ABR: variants seen among roughly 807,000 people sequenced by gnomAD.
ABR encodes the protein active breakpoint cluster region-related protein.
ABR carries 35 observed loss-of-function variants against 107.2 expected under a neutral mutation model. That is an observed-to-expected ratio of 0.33 (90% CI 0.25 to 0.43). The LOEUF (loss-of-function observed/expected upper bound fraction) is 0.43, where lower values mean the gene tolerates loss of function less well. Ranked by LOEUF, ABR falls within the 20% of genes least tolerant of loss-of-function variation. The probability of loss-of-function intolerance (pLI) is 1.00; values close to 1 mark genes in which losing one functional copy is unlikely to be tolerated. For synonymous variants in ABR, 498 were observed against 462.0 expected (o/e 1.08, Z -1.00); for missense variants, 815 against 1,115.2 (o/e 0.73, Z 3.83).
chr17:1,075,427 A>G (rs2035621533), intron 6 of ABR, among the ~76,000 whole-genome samples: 3 of 152,264 alleles, frequency 2.0e-5, no homozygotes, highest in African/African-American at 7.2e-5. Flanking sequence ...AGTTCTCCAA[A>G]GCCTGAGATA....
At position 1,022,106 on chromosome 17, in the gene ABR, C is replaced by CAAAAAAAAAAAAAAAAA. The variant is rs759234729; in HGVS notation, c.1792-8959_1792-8943dup. Among the ~76,000 whole-genome samples, 125 of 39,182 alleles carry CAAAAAAAAAAAAAAAAA rather than the reference C, an allele frequency of 3.2e-3. 3 individuals carry two copies. Among genetic ancestry groups the CAAAAAAAAAAAAAAAAA allele is most frequent in the South Asian group, 0.014 (16 of 1,146 alleles). 25.7% of individuals were successfully genotyped at this position (39,182 alleles called of 152,430 possible). A position where few individuals can be genotyped will look rare whatever the true frequency, so the allele number is the denominator to read the frequency against. On this transcript the variant is annotated intron_variant, in intron 16 of 22. Coordinates refer to ENST00000302538, the MANE Select transcript of ABR (RefSeq NM_021962.5). ...TGGGCAACAGAGCAAGACTCTGTCT[C>CAAAAAAAAAAAAAAAAA]AAAAAAAAAAAAAAAAAAACAGAAA...
intron 1 of ABR, chr17:1,178,164 T>A (rs1452038149): frequency 6.6e-6 from 1 of 152,166 alleles, no homozygotes; most frequent in East Asian, 1.9e-4. Context: ...AGAGGTTGAA[T>A]GTTGGGTACC....
intron 13 of ABR, 62 bp downstream of exon 13, chr17:1,056,936 A>G: frequency 8.6e-7 from 1 of 1,162,684 alleles, no homozygotes; most frequent in Non-Finnish European, 1.3e-6. Context: ...CCTTACGGGA[A>G]GCCGGCCACG....
rs539786354 is a variant in ABR at position 1,054,815 on chromosome 17, C to T, written c.1561+1220G>A. 3.7e-4 allele frequency among the ~76,000 whole-genome samples: 57 copies of T among 152,188 alleles called. 1 individual carries two copies. In the South Asian group the frequency reaches 0.012, roughly 32 times the overall value. ...TGCCCCCAGGAACTCAGGGAGGCTT[C>T]CTGGGAAAGGCTGCTCTAACGGCCC... On this transcript the variant is annotated intron_variant, in intron 14 of 22. Transcript: ENST00000302538.
chr17:1,035,273 G>C (rs1457342575), intron 16 of ABR, among the ~76,000 whole-genome samples: 1 of 150,986 alleles, frequency 6.6e-6, no homozygotes, highest in East Asian at 2.0e-4. Context: ...TTCAGCTCAG[G>C]CTATCCCAAC....
intron 3 of ABR, among the ~76,000 whole-genome samples, chr17:1,099,840 C>T (rs2037743758): frequency 6.6e-6 from 1 of 152,148 alleles, no homozygotes; most frequent in Non-Finnish European, 1.5e-5. Flanking sequence ...CAAAAGAACA[C>T]AGACAGGCCG....
chr17:1,076,879 C>T (rs1005582184), intron 6 of ABR, among the ~76,000 whole-genome samples: 3 of 152,190 alleles, frequency 2.0e-5, no homozygotes, highest in Non-Finnish European at 4.4e-5. Flanking sequence ...TTCCCCTGTC[C>T]CTGGGCTCCT....
At chr17:1,089,772 C>T (rs1217749606) in intron 4 of ABR, among the ~76,000 whole-genome samples, 2 of 152,160 alleles carry the variant, frequency 1.3e-5, no homozygotes, top group Non-Finnish European at 2.9e-5. Context: ...CCAGCCTGGC[C>T]GACATGGCGA....
At chr17:1,094,846 A>G (rs978929694) in intron 3 of ABR, among the ~76,000 whole-genome samples, 6 of 145,712 alleles carry the variant, frequency 4.1e-5, no homozygotes, top group Non-Finnish European at 7.7e-5. Flanking sequence ...CAGGTGGAGG[A>G]GTGGGGGCGT....
chr17:1,048,787 G>A (rs973863068), intron 16 of ABR, among the ~76,000 whole-genome samples: 73 of 149,574 alleles, frequency 4.9e-4, no homozygotes, highest in Non-Finnish European at 7.9e-4. Context: ...GATCACGTCC[G>A]GGGCCACGGT....
chr17:1,207,621 C>G (rs1249185313), intron 1 of ABR, among the ~76,000 whole-genome samples: 1 of 145,642 alleles, frequency 6.9e-6, no homozygotes, highest in Non-Finnish European at 1.5e-5. Context: ...TACACTCCAG[C>G]CTGGGCAACA....
At chr17:1,191,109 C>T (rs2042421997), upstream of ABR, among the ~76,000 whole-genome samples, 1 of 152,130 alleles carries the variant, frequency 6.6e-6, no homozygotes, top group African/African-American at 2.4e-5. Context: ...GGGGCCTGTG[C>T]CCAGGGGAGA....
In ABR at chr17:1,005,099, T is replaced by C. The variant is rs1219915247; in HGVS notation, c.*981A>G. On this transcript the variant is annotated 3_prime_UTR_variant, in exon 23 of 23. Transcript: ENST00000302538. Reference sequence around the variant, plus strand: ...GACCCGGGACACCCAGCGTGGCATGTGCATTCCTCCCCCGTTCAGCCTGTG... The same window carrying C: ...GACCCGGGACACCCAGCGTGGCATGCGCATTCCTCCCCCGTTCAGCCTGTG... 5 of 398,762 alleles carry C rather than the reference T, an allele frequency of 1.3e-5. No homozygotes were observed. The highest frequency in any genetic ancestry group is 2.2e-5 in the Non-Finnish European group (5 of 226,212). 24.7% of individuals were successfully genotyped at this position (398,762 alleles called of 1,614,324 possible).
chr17:1,119,675 T>C (rs1444151247), intron 2 of ABR, among the ~76,000 whole-genome samples: 3 of 152,104 alleles, frequency 2.0e-5, no homozygotes, highest in Admixed American at 2.0e-4. Flanking sequence ...GGGATTAAGG[T>C]CCTGATCTCA....
intron 18 of ABR, chr17:1,012,223 G>T: frequency 1.4e-6 from 1 of 703,314 alleles, no homozygotes; most frequent in East Asian, 2.8e-5. Flanking sequence ...AACTTGGGAA[G>T]GTAAGGCCGA....
Position 1,132,081 on chromosome 17 carries a change from G to A in ABR, c.62-6714C>T, listed in dbSNP as rs181814358. ...CTAGAAAACCCTCCTTGCTGGGCGC[G>A]GTGGCTCACGCCTGTCATCCCATCA... is the stretch of plus-strand genomic sequence containing the variant. On this transcript the variant is annotated intron_variant, in intron 1 of 22. Transcript: ENST00000302538. 2.5e-3 allele frequency among the ~76,000 whole-genome samples: 375 copies of A among 152,090 alleles called. 1 individual carries two copies. Among genetic ancestry groups the A allele is most frequent in the Middle Eastern group, 0.017 (5 of 294 alleles).
intron 3 of ABR, among the ~76,000 whole-genome samples, chr17:1,095,685 T>G (rs2257669): frequency 0.77 from 116,990 of 151,832 alleles, 45,093 homozygotes; most frequent in South Asian, 0.84. Context: ...CTGGCTCCCA[T>G]ACCAGCTGCT....
intron 3 of ABR, among the ~76,000 whole-genome samples, chr17:1,095,293 C>T (rs2037335515): frequency 6.6e-6 from 1 of 152,214 alleles, no homozygotes. Context: ...AATGGACGCT[C>T]ACCCACAGCC....
At chr17:1,195,299 TGTC>T (rs2042535100) in intron 1 of ABR, among the ~76,000 whole-genome samples, 1 of 106,870 alleles carries the variant, frequency 9.4e-6, no homozygotes, top group Non-Finnish European at 2.0e-5. Context: ...AGAATGAGAC[TGTC>T]TCAAAAAAAA....
Sources: gnomAD v4.1 joint callset for allele counts (sites outside exome capture counted in the v4.1 genomes callset) on GRCh38, gnomAD v4.1.1 for gene constraint, MANE v1.5 for transcripts, NCBI Gene and HGNC (gene_info 2026-07-23, HGNC 2026-07-21) for gene names.